KCNIP4: variants seen among roughly 807,000 people sequenced by gnomAD.
KCNIP4 encodes the protein Kv channel-interacting protein 4.
A neutral mutation model predicts 34.0 loss-of-function variants in KCNIP4; 12 were observed. That is an observed-to-expected ratio of 0.35 (90% CI 0.23 to 0.57). The LOEUF is 0.57. KCNIP4 is among the 20% of genes least tolerant of loss of function. The pLI, the probability that KCNIP4 is intolerant of heterozygous loss-of-function variation, is 0.83. For missense variants in KCNIP4, 238 were observed against 311.7 expected (o/e 0.76, Z 1.78); for synonymous variants, 124 against 102.2 (o/e 1.21, Z -1.29).
intron 2 of KCNIP4, among the ~76,000 whole-genome samples, chr4:20,876,533 C>A (rs906016951): frequency 1.3e-5 from 2 of 152,206 alleles, no homozygotes; most frequent in East Asian, 3.9e-4. Context: ...CACGAGCCAG[C>A]TGTCAGCCTC....
intron 1 of KCNIP4, among the ~76,000 whole-genome samples, chr4:20,982,898 T>C (rs556455245): frequency 6.6e-6 from 1 of 152,322 alleles, no homozygotes; most frequent in South Asian, 2.1e-4. Context: ...TATCCATATC[T>C]GGAAGAAATA....
At chr4:20,965,589 G>A (rs1449737331) in intron 1 of KCNIP4, among the ~76,000 whole-genome samples, 2 of 152,094 alleles carry the variant, frequency 1.3e-5, no homozygotes, top group African/African-American at 2.4e-5. Context: ...TGGTCTCTCT[G>A]GAGTGTGGAG....
chr4:21,784,918 T>C (rs529747840), intron 1 of KCNIP4, among the ~76,000 whole-genome samples: 1 of 152,346 alleles, frequency 6.6e-6, no homozygotes, highest in African/African-American at 2.4e-5. Context: ...AAGTGTCATT[T>C]CTTGCATGCA....
rs141613997 is a variant in KCNIP4, at chr4:20,977,159, A to G, written c.62-94450T>C. 6.8e-3 allele frequency among the ~76,000 whole-genome samples: 1,031 copies of G among 152,270 alleles called. 5 individuals are homozygous for G. The highest frequency in any genetic ancestry group is 0.012 in the Non-Finnish European group (795 of 68,020). On this transcript the variant is annotated intron_variant, in intron 1 of 8. Transcript: ENST00000382152. ...AACATGAACTTTAAACCACAAAATA[A>G]TCAAATACCTCCTATCCCAGCTAAT...
At chr4:21,906,870 T>A (rs977240730) in intron 1 of KCNIP4, among the ~76,000 whole-genome samples, 1 of 152,146 alleles carries the variant, frequency 6.6e-6, no homozygotes, top group Non-Finnish European at 1.5e-5. Flanking sequence ...TTAGAATATG[T>A]TACATTTTAC....
chr4:21,130,975 A>G (rs1751023578), intron 1 of KCNIP4, among the ~76,000 whole-genome samples: 1 of 152,192 alleles, frequency 6.6e-6, no homozygotes, highest in Non-Finnish European at 1.5e-5. Context: ...TTGTAAGTCC[A>G]GATGCTCCTT....
At chr4:21,721,224 G>T (rs1327594083) in intron 1 of KCNIP4, among the ~76,000 whole-genome samples, 1 of 152,128 alleles carries the variant, frequency 6.6e-6, no homozygotes, top group African/African-American at 2.4e-5. Flanking sequence ...AGATCACCTG[G>T]ATTTCCACTC....
chr4:21,527,050 G>C (rs1191389687), intron 1 of KCNIP4, among the ~76,000 whole-genome samples: 1 of 152,138 alleles, frequency 6.6e-6, no homozygotes, highest in African/African-American at 2.4e-5. Flanking sequence ...TAAGAGGAAA[G>C]AATTTGGCTT....
At chr4:21,208,540 T>C (rs996697663) in intron 1 of KCNIP4, among the ~76,000 whole-genome samples, 2 of 152,208 alleles carry the variant, frequency 1.3e-5, no homozygotes, top group Non-Finnish European at 2.9e-5. Context: ...CACATGGTCA[T>C]ACTTTACTCA....
chr4:20,732,776 C>T lies in KCNIP4; in HGVS notation c.547G>A (p.Asp183Asn). ...DGYITKEEMLDIMKAIYDMMG... is the reference protein window; with the variant it reads ...DGYITKEEMLNIMKAIYDMMG... The stretch of plus-strand genomic sequence containing the variant: ...ATATCGTATATTGCTTTCATTATAT[C>T]AAGCATTTCCTGAAAAATAAAAGGC... Residue 183 changes from aspartate (D) to asparagine (N), a missense_variant, in exon 7 of 9, where the codon GAT becomes AAT. Transcript: ENST00000382152. 6.3e-7 allele frequency: 1 copy of T among 1,599,650 alleles called. No individual in the cohort carries two copies. The highest frequency in any genetic ancestry group is 8.6e-7 in the Non-Finnish European group (1 of 1,167,556).
chr4:21,864,988 T>G (rs575691264), intron 1 of KCNIP4, among the ~76,000 whole-genome samples: 1 of 152,142 alleles, frequency 6.6e-6, no homozygotes, highest in Non-Finnish European at 1.5e-5. Context: ...TGAAATAAAC[T>G]AGATGACTGA....
chr4:21,114,799 T>C (rs7667541), intron 1 of KCNIP4, among the ~76,000 whole-genome samples: 44,819 of 152,010 alleles, frequency 0.29, 7,370 homozygotes, highest in African/African-American at 0.45. Flanking sequence ...CTCAAAGTTA[T>C]ACAGCTAGTA....
chr4:20,731,410 A>G, intron 8 of KCNIP4: 1 of 985,306 alleles, frequency 1.0e-6, no homozygotes, highest in Non-Finnish European at 1.2e-6. Flanking sequence ...CCACACATCA[A>G]GTCAAATAAT....
At chr4:21,559,422 G>A (rs1029998003) in intron 1 of KCNIP4, among the ~76,000 whole-genome samples, 40 of 152,088 alleles carry the variant, frequency 2.6e-4, no homozygotes, top group African/African-American at 8.7e-4. Flanking sequence ...GCAAATGAAA[G>A]TATAAGCATT....
At chr4:21,656,957 A>G (rs1748002507) in intron 1 of KCNIP4, 1 of 152,174 alleles carries the variant, frequency 6.6e-6, no homozygotes, top group Non-Finnish European at 1.5e-5. Context: ...AGGATACTCC[A>G]TCCACCACTG....
chr4:20,842,100 A>G (rs1050762584), intron 3 of KCNIP4, among the ~76,000 whole-genome samples: 6 of 152,170 alleles, frequency 3.9e-5, no homozygotes, highest in Middle Eastern at 3.4e-3. Context: ...TCTTTTCACT[A>G]TCTTCCCCCA....
chr4:21,448,677 C>A (rs543585561), intron 1 of KCNIP4, among the ~76,000 whole-genome samples: 1 of 152,200 alleles, frequency 6.6e-6, no homozygotes, highest in African/African-American at 2.4e-5. Flanking sequence ...TATCAGAAAA[C>A]TGTGCTCTGG....
At chr4:20,825,576 G>T (rs951440451) in intron 3 of KCNIP4, among the ~76,000 whole-genome samples, 1 of 152,168 alleles carries the variant, frequency 6.6e-6, no homozygotes, top group Admixed American at 6.5e-5. Flanking sequence ...ATGGAGAACA[G>T]AACGTTTAGT....
At chr4:21,536,652 G>A (rs12642456) in intron 1 of KCNIP4, among the ~76,000 whole-genome samples, 54,802 of 151,584 alleles carry the variant, frequency 0.36, 10,275 homozygotes, top group South Asian at 0.55. Flanking sequence ...GTGGTGGTGC[G>A]TATCTGTAAT....
Sources: gnomAD v4.1 joint callset for allele counts (sites outside exome capture counted in the v4.1 genomes callset) on GRCh38, gnomAD v4.1.1 for gene constraint, MANE v1.5 for transcripts, NCBI Gene and HGNC (gene_info 2026-07-23, HGNC 2026-07-21) for gene names.